The following DPYS variants were observed in gnomAD, a reference collection of about 807,000 sequenced individuals.
The protein encoded by DPYS is dihydropyrimidinase.
DPYS carries 39 observed loss-of-function variants against 50.3 expected under a neutral mutation model. That is an observed-to-expected ratio of 0.78 (90% CI 0.60 to 1.01). DPYS has a LOEUF of 1.01. Among genes scored for constraint, DPYS ranks in the 50% least tolerant of loss-of-function variants. The probability of loss-of-function intolerance (pLI) is 0.00; values close to 1 mark genes in which losing one functional copy is unlikely to be tolerated. For missense variants in DPYS, 659 were observed against 680.9 expected, an observed-to-expected ratio of 0.97 and a Z score of 0.36; for synonymous variants, 245 against 250.7, an observed-to-expected ratio of 0.98 and a Z score of 0.22.
intron 7 of DPYS, among the ~76,000 whole-genome samples, chr8:104,418,017 T>C (rs1316357545): frequency 6.6e-6 from 1 of 152,226 alleles, no homozygotes; most frequent in African/African-American, 2.4e-5. Context: ...GGCTACAGAT[T>C]GTGTGGCAAG....
chr8:104,400,765 A>G (rs1811770879), intron 7 of DPYS, among the ~76,000 whole-genome samples: 1 of 152,226 alleles, frequency 6.6e-6, no homozygotes, highest in South Asian at 2.1e-4. Flanking sequence ...CTGAGTCCCA[A>G]TTATACACAT....
In DPYS at chr8:104,392,947, A is replaced by C. The variant is rs1811446960; in HGVS notation, c.1280T>G (p.Ile427Ser). 1 of 1,614,114 alleles carries C rather than the reference A, an allele frequency of 6.2e-7. No homozygotes were observed. The highest frequency in any genetic ancestry group is 1.1e-5 in the South Asian group (1 of 91,092). The stretch of plus-strand genomic sequence containing the variant: ...CCCGTGGCAAACCATGCCCTCGAAA[A>C]TGTTGAAGTTAACAGCCTGATGATG... ...KTHHQAVNFN[I>S]FEGMVCHGVP... Residue 427 changes from isoleucine (I) to serine (S), a missense_variant, in exon 8 of 10, where the codon ATT becomes AGT. By Grantham distance (142) the Ile-to-Ser change is moderately radical. Coordinates refer to ENST00000351513, the MANE Select transcript of DPYS (RefSeq NM_001385.3).
At chr8:104,394,137 C>T (rs999492160) in intron 7 of DPYS, among the ~76,000 whole-genome samples, 3 of 152,154 alleles carry the variant, frequency 2.0e-5, no homozygotes, top group Non-Finnish European at 4.4e-5. Context: ...CAATCCCTCT[C>T]AGGAATGGAT....
At chr8:104,395,319 A>AT (rs1209483139) in intron 7 of DPYS, among the ~76,000 whole-genome samples, 3 of 152,136 alleles carry the variant, frequency 2.0e-5, no homozygotes, top group Non-Finnish European at 4.4e-5. Flanking sequence ...ATCTTTTTAT[A>AT]TTTTTTAAAT....
intron 6 of DPYS, 135 bp from the exon 7 acceptor site, chr8:104,424,524 C>T (rs1448340705): frequency 6.5e-6 from 6 of 924,474 alleles, no homozygotes; most frequent in Non-Finnish European, 9.9e-6. Flanking sequence ...TCTGAGGATG[C>T]TGGTAAGTAT....
intron 1 of DPYS, among the ~76,000 whole-genome samples, chr8:104,454,020 T>G (rs1340498026): frequency 6.6e-6 from 1 of 152,192 alleles, no homozygotes; most frequent in Non-Finnish European, 1.5e-5. Context: ...GAATAGTGGT[T>G]GTCTGGGGCT....
At chr8:104,455,679 C>A (rs1564113986) in intron 1 of DPYS, among the ~76,000 whole-genome samples, 1 of 151,962 alleles carries the variant, frequency 6.6e-6, no homozygotes, top group Non-Finnish European at 1.5e-5. Flanking sequence ...CGAGACTGGC[C>A]GAAATGGCCA....
chr8:104,402,115 A>T (rs1811836254), intron 7 of DPYS, among the ~76,000 whole-genome samples: 1 of 152,220 alleles, frequency 6.6e-6, no homozygotes, highest in East Asian at 1.9e-4. Context: ...ATGGATGGTG[A>T]TGTAGGTCAT....
intron 7 of DPYS, 179 bp downstream of exon 7, chr8:104,424,068 A>G: frequency 3.1e-6 from 3 of 982,682 alleles, no homozygotes; most frequent in Non-Finnish European, 3.6e-6. Flanking sequence ...TATGCCAAGA[A>G]AAACAAAGGA....
chr8:104,415,025 C>T (rs1433995724), intron 7 of DPYS, among the ~76,000 whole-genome samples: 1 of 152,194 alleles, frequency 6.6e-6, no homozygotes, highest in East Asian at 1.9e-4. Context: ...TAAAACACGG[C>T]TCTTGAACCA....
chr8:104,441,974 T>C (rs948713090), intron 4 of DPYS, among the ~76,000 whole-genome samples: 4 of 152,020 alleles, frequency 2.6e-5, no homozygotes, highest in Non-Finnish European at 5.9e-5. Flanking sequence ...GTGTATAGTA[T>C]GCTACCTTTT....
chr8:104,450,307 T>C (rs1009243147), intron 2 of DPYS, among the ~76,000 whole-genome samples: 17 of 152,304 alleles, frequency 1.1e-4, no homozygotes, highest in African/African-American at 3.6e-4. Flanking sequence ...ACTATAAACC[T>C]TGCTATTATG....
chr8:104,419,489 T>C (rs897434803), intron 7 of DPYS: 1 of 151,884 alleles, frequency 6.6e-6, no homozygotes, highest in Admixed American at 6.6e-5. Context: ...AAATACAACA[T>C]GGAAAGGGGT....
Position 104,447,368 on chromosome 8 carries a change from C to T in DPYS, c.559G>A (p.Ala187Thr). Residue 187 changes from alanine (A) to threonine (T), a missense_variant, in exon 3 of 10, where the codon GCA (alanine) becomes ACA (threonine). Ala to Thr is a moderately conservative substitution (Grantham distance 58, BLOSUM62 0). Coordinates refer to ENST00000351513, the MANE Select transcript of DPYS (RefSeq NM_001385.3). ...TTTTCCGCATGGACCTGGGCAATTG[C>T]TCCAATTTCCTTGCACCGAGAGAAG... ...EAFSRCKEIG[A>T]IAQVHAENGD... 2 of 1,614,072 alleles carry T rather than the reference C, an allele frequency of 1.2e-6. No individual in the cohort carries two copies. Among genetic ancestry groups the T allele is most frequent in the South Asian group, 1.1e-5 (1 of 91,056 alleles).
chr8:104,455,004 C>T (rs1351813843), intron 1 of DPYS, among the ~76,000 whole-genome samples: 1 of 152,166 alleles, frequency 6.6e-6, no homozygotes, highest in Non-Finnish European at 1.5e-5. Context: ...TGGTTAACTC[C>T]ATTTTAGGGT....
At chr8:104,402,719 A>C (rs1050794661) in intron 7 of DPYS, among the ~76,000 whole-genome samples, 4 of 152,166 alleles carry the variant, frequency 2.6e-5, no homozygotes, top group African/African-American at 7.2e-5. Flanking sequence ...CCAGGGACTT[A>C]TTGGTATGTT....
At chr8:104,464,349 C>A (rs189111851) in intron 1 of DPYS, among the ~76,000 whole-genome samples, 1 of 152,146 alleles carries the variant, frequency 6.6e-6, no homozygotes, top group Non-Finnish European at 1.5e-5. Flanking sequence ...CCTTGGGGCA[C>A]GCAAAGATAA....
chr8:104,390,147 A>G (rs1407461224), intron 8 of DPYS, among the ~76,000 whole-genome samples: 1 of 152,214 alleles, frequency 6.6e-6, no homozygotes, highest in African/African-American at 2.4e-5. Flanking sequence ...GATCCACTTC[A>G]GGCGTCACAT....
At position 104,466,956 on chromosome 8, in the gene DPYS, T is replaced by C. The variant is rs530188131; in HGVS notation, c.-36A>G. 2 of 950,962 alleles carry C rather than the reference T, an allele frequency of 2.1e-6. No individual in the cohort carries two copies. Among genetic ancestry groups the C allele is most frequent in the African/African-American group, 3.6e-5 (2 of 55,662 alleles). The allele number at this position is 950,962 out of a possible 1,614,324, so 58.9% of individuals were successfully genotyped here. On this transcript the variant is annotated 5_prime_UTR_variant, in exon 1 of 10. Transcript: ENST00000351513. ...GCGCGGGGTCCTACTCGGCCCGGGC[T>C]GCGCGCAGGGGCTGGGTTGGGCGGG... is the stretch of plus-strand genomic sequence containing the variant.
Sources: allele counts gnomAD v4.1 joint callset (sites outside exome capture counted in the v4.1 genomes callset), GRCh38; gene constraint gnomAD v4.1.1; transcripts MANE v1.5; gene names NCBI Gene and HGNC (gene_info 2026-07-23, HGNC 2026-07-21).